DST: variants seen among roughly 807,000 people sequenced by gnomAD.
The protein encoded by DST is bullous pemphigoid antigen.
Under a neutral mutation model 875.2 loss-of-function variants are expected in DST, and 253 were observed. That is an observed-to-expected ratio of 0.29 (90% CI 0.26 to 0.32). The LOEUF (loss-of-function observed/expected upper bound fraction) is 0.32. Among genes scored for constraint, DST ranks in the 10% least tolerant of loss-of-function variants. The pLI, the probability that DST is intolerant of heterozygous loss-of-function variation, is 1.00. For missense variants in DST, 8,287 were observed against 9,111.6 expected, an observed-to-expected ratio of 0.91 and a Z score of 3.68; for synonymous variants, 3,124 against 3,197.1, an observed-to-expected ratio of 0.98 and a Z score of 0.77.
chr6:56,569,678 C>G (rs562524631), intron 54 of DST, among the ~76,000 whole-genome samples, 178 bp downstream of exon 54: 3 of 152,236 alleles, frequency 2.0e-5, no homozygotes, highest in Non-Finnish European at 4.4e-5. Flanking sequence ...AAATTTATGT[C>G]CTTTTCCAAA....
At chr6:56,945,408 T>C (rs1185790936) in intron 2 of DST, among the ~76,000 whole-genome samples, 1 of 152,174 alleles carries the variant, frequency 6.6e-6, no homozygotes, top group Non-Finnish European at 1.5e-5. Context: ...TCTATATTCC[T>C]AGTTTGAAAA....
chr6:56,836,219 T>C (rs1201848660), intron 4 of DST, among the ~76,000 whole-genome samples: 2 of 152,208 alleles, frequency 1.3e-5, no homozygotes, highest in Non-Finnish European at 2.9e-5. Flanking sequence ...ATTTCTGCAG[T>C]ATCTCCCAGT....
At chr6:56,838,560 CA>C (rs200060544) in intron 4 of DST, among the ~76,000 whole-genome samples, 31 of 146,920 alleles carry the variant, frequency 2.1e-4, no homozygotes, top group Non-Finnish European at 3.3e-4. Flanking sequence ...CAAACAACAA[CA>C]AAAAAAAAAC....
chr6:56,699,591 C>G, intron 9 of DST, 62 bp downstream of exon 9: 7 of 763,322 alleles, frequency 9.2e-6, no homozygotes, highest in Non-Finnish European at 1.5e-5. Flanking sequence ...ATCATTCACC[C>G]TTCATAGGAA....
chr6:56,911,891 A>G (rs978873643), intron 2 of DST, among the ~76,000 whole-genome samples: 14 of 152,202 alleles, frequency 9.2e-5, no homozygotes, highest in African/African-American at 3.1e-4. Context: ...TCGACCTCTG[A>G]AATCCACAAT....
At chr6:56,519,505 C>T (rs1325100277) in intron 69 of DST, among the ~76,000 whole-genome samples, 1 of 152,094 alleles carries the variant, frequency 6.6e-6, no homozygotes, top group African/African-American at 2.4e-5. Context: ...GCTGGGCTTC[C>T]ACCCCCACTA....
rs1017503069 is a variant in DST, at chr6:56,592,298, C to T, written c.12787G>A (p.Ala4263Thr). 1 of 1,609,886 alleles carries T rather than the reference C, an allele frequency of 6.2e-7. No individual in the cohort carries two copies. The highest frequency in any genetic ancestry group is 1.1e-5 in the South Asian group (1 of 90,252). ...LVDKYQHYEDASCGLLAGLQA... is the reference protein window; with the variant it reads ...LVDKYQHYEDTSCGLLAGLQA... ...AGTCCAGCAAGAAGTCCACATGAAG[C>T]ATCTTCATAGTGTTGATATTTATCC... Residue 4263 changes from alanine (A) to threonine (T), a missense_variant, in exon 49 of 104, where the codon GCT (alanine) becomes ACT (threonine). Transcript: ENST00000680361.
intron 4 of DST, 161 bp downstream of exon 4, chr6:56,851,236 G>A (rs1293534464): frequency 1.1e-5 from 8 of 698,664 alleles, no homozygotes; most frequent in Non-Finnish European, 1.6e-5. Flanking sequence ...GGCTCTATCG[G>A]TAAAACAAGG....
chr6:56,858,741 T>C (rs768239657), intron 3 of DST, among the ~76,000 whole-genome samples: 1 of 152,178 alleles, frequency 6.6e-6, no homozygotes, highest in Non-Finnish European at 1.5e-5. Flanking sequence ...CACTAAGACA[T>C]TCTGCAAAAC....
intron 3 of DST, among the ~76,000 whole-genome samples, chr6:56,871,966 T>C (rs1176463754): frequency 6.6e-6 from 1 of 152,174 alleles, no homozygotes; most frequent in Non-Finnish European, 1.5e-5. Context: ...CTGAGGAAAG[T>C]ATAAATGGGT....
intron 5 of DST, among the ~76,000 whole-genome samples, chr6:56,729,607 CAA>C (rs569525896): frequency 7.1e-4 from 45 of 63,642 alleles, no homozygotes; most frequent in African/African-American, 7.7e-4. Context: ...AACTCCATCT[CAA>C]AAAAAAAAAA....
At chr6:56,762,964 C>T (rs1031970208) in intron 4 of DST, among the ~76,000 whole-genome samples, 1 of 151,010 alleles carries the variant, frequency 6.6e-6, no homozygotes, top group African/African-American at 2.4e-5. Context: ...GATTCTCCTA[C>T]CTCAGCTTCC....
At chr6:56,672,830 A>C (rs562802201) in intron 9 of DST, among the ~76,000 whole-genome samples, 58 of 152,348 alleles carry the variant, frequency 3.8e-4, no homozygotes, top group Non-Finnish European at 7.8e-4. Context: ...TAAAACCTTG[A>C]CTTTATTATT....
At chr6:56,667,074 T>C (rs2099075815) in intron 10 of DST, among the ~76,000 whole-genome samples, 1 of 152,150 alleles carries the variant, frequency 6.6e-6, no homozygotes, top group Non-Finnish European at 1.5e-5. Context: ...CATGCCTGGC[T>C]AATTTTTAAA....
chr6:56,954,286 G>A (rs1824074084), intron 1 of DST, 121 bp downstream of exon 1: 1 of 646,454 alleles, frequency 1.5e-6, no homozygotes, highest in Middle Eastern at 3.2e-4. Flanking sequence ...CACTCAGCCT[G>A]GGGAGTGGGC....
At chr6:56,518,179 T>C (rs911566310) in intron 69 of DST, among the ~76,000 whole-genome samples, 11 of 152,188 alleles carry the variant, frequency 7.2e-5, no homozygotes, top group Admixed American at 6.6e-4. Flanking sequence ...CATTTAATAA[T>C]GGCAGAAAAC....
At chr6:56,825,827 T>C (rs2099779792) in intron 4 of DST, among the ~76,000 whole-genome samples, 1 of 152,234 alleles carries the variant, frequency 6.6e-6, no homozygotes, top group Non-Finnish European at 1.5e-5. Flanking sequence ...AAAGTGGCTC[T>C]TAGAGTACTT....
At chr6:56,834,199 C>T (rs983146374) in intron 4 of DST, among the ~76,000 whole-genome samples, 7 of 152,068 alleles carry the variant, frequency 4.6e-5, no homozygotes, top group African/African-American at 1.7e-4. Flanking sequence ...TGCATCCAGT[C>T]TGGGTGACAG....
At chr6:56,614,046 C>T (rs2098584469) in intron 37 of DST, among the ~76,000 whole-genome samples, 2 of 152,168 alleles carry the variant, frequency 1.3e-5, no homozygotes. Flanking sequence ...AATGACTCTG[C>T]TCTTCAGCTA....
Sources: gnomAD v4.1 joint callset for allele counts (sites outside exome capture counted in the v4.1 genomes callset) on GRCh38, gnomAD v4.1.1 for gene constraint, MANE v1.5 for transcripts, NCBI Gene and HGNC (gene_info 2026-07-23, HGNC 2026-07-21) for gene names.